Variants in HAT1 observed in about 807,000 individuals in gnomAD.
The protein encoded by HAT1 is histone acetyltransferase 1, also known as histone acetyltransferase type B catalytic subunit.
In HAT1, 20 loss-of-function variants were observed where a neutral mutation model predicts 56.6. The ratio of observed to expected loss-of-function variants is 0.35; its 90% confidence interval spans 0.25 to 0.51. The LOEUF (loss-of-function observed/expected upper bound fraction) is 0.51. Among genes scored for constraint, HAT1 ranks in the 20% least tolerant of loss-of-function variants. The pLI is 0.95. For synonymous variants in HAT1, 146 were observed against 165.5 expected, an observed-to-expected ratio of 0.88 and a Z score of 0.91; for missense variants, 408 against 504.3, an observed-to-expected ratio of 0.81 and a Z score of 1.83.
chr2:171,983,685 TATC>T (rs1205476838), exon 11 of HAT1: 4 of 170,612 alleles, frequency 2.3e-5, no homozygotes, highest in Non-Finnish European at 3.7e-5. Context: ...CTTAAATACT[TATC>T]ATTCCTTCCA....
intron 5 of HAT1, 50 bp downstream of exon 5, chr2:171,965,567 C>A: frequency 1.6e-6 from 2 of 1,219,386 alleles, no homozygotes; most frequent in Non-Finnish European, 2.3e-6. Flanking sequence ...TTGCCTGAAA[C>A]CTGTATGTAG....
At chr2:171,939,093 A>G (rs1274537114) in intron 2 of HAT1, among the ~76,000 whole-genome samples, 2 of 152,088 alleles carry the variant, frequency 1.3e-5, no homozygotes, top group African/African-American at 2.4e-5. Flanking sequence ...AGTTGACCCT[A>G]TTCCAGCACG....
intron 9 of HAT1, 148 bp downstream of exon 9, chr2:171,976,456 T>C: frequency 2.6e-6 from 1 of 384,542 alleles, no homozygotes; most frequent in Non-Finnish European, 4.6e-6. Context: ...CCAAATTGCC[T>C]GAGTTCAAAT....
chr2:171,968,175 A>G (rs1347583074), intron 8 of HAT1, among the ~76,000 whole-genome samples: 1 of 152,140 alleles, frequency 6.6e-6, no homozygotes, highest in Non-Finnish European at 1.5e-5. Context: ...AGTAGTTACT[A>G]AACTTCGTTT....
At chr2:171,960,552 T>G (rs1687548035) in intron 4 of HAT1, among the ~76,000 whole-genome samples, 1 of 152,184 alleles carries the variant, frequency 6.6e-6, no homozygotes, top group Non-Finnish European at 1.5e-5. Flanking sequence ...TCTTTTACTT[T>G]TCCAAGCTGA....
chr2:171,952,372 C>T (rs930759767), intron 3 of HAT1, among the ~76,000 whole-genome samples: 1 of 152,138 alleles, frequency 6.6e-6, no homozygotes, highest in Non-Finnish European at 1.5e-5. Flanking sequence ...AGCAGCAGTT[C>T]CATATCTGCC....
intron 3 of HAT1, among the ~76,000 whole-genome samples, chr2:171,949,896 CT>C (rs1687261582): frequency 6.6e-6 from 1 of 152,140 alleles, no homozygotes; most frequent in South Asian, 2.1e-4. Context: ...AGTGGCCACC[CT>C]TTCAGACACT....
chr2:171,952,242 G>A (rs2105324522), intron 3 of HAT1, among the ~76,000 whole-genome samples: 1 of 152,240 alleles, frequency 6.6e-6, no homozygotes, highest in South Asian at 2.1e-4. Flanking sequence ...TTTACTTTCT[G>A]TCTCTATAGA....
At chr2:171,976,118 T>C in intron 8 of HAT1, 39 bp from the exon 9 acceptor site, 1 of 1,158,424 alleles carries the variant, frequency 8.6e-7, no homozygotes, top group Middle Eastern at 2.1e-4. Flanking sequence ...ATATTGAGTA[T>C]CAGGGAAATG....
chr2:171,974,993 A>G (rs1472504819), intron 8 of HAT1, among the ~76,000 whole-genome samples: 1 of 152,028 alleles, frequency 6.6e-6, no homozygotes, highest in East Asian at 1.9e-4. Flanking sequence ...GGACATTTGT[A>G]TCTACATTCA....
At position 171,966,533 on chromosome 2, in the gene HAT1, G is replaced by A. The variant is rs766476969; in HGVS notation, c.716+20G>A. 2.7e-5 allele frequency: 28 copies of A among 1,043,176 alleles called. No individual in the cohort carries two copies. The highest frequency in any genetic ancestry group is 6.3e-5 in the South Asian group (5 of 79,070). 64.6% of individuals were successfully genotyped at this position (1,043,176 alleles called of 1,614,324 possible). A position where few individuals can be genotyped will look rare whatever the true frequency, so the allele number is the denominator to read the frequency against. On this transcript the variant is annotated intron_variant, in intron 7 of 10. Transcript: ENST00000264108. ...TGTAAGGTAATTGGCAGTATAACAC[G>A]TGCCTTGTCTTTTATTTCAGAAGAA... is the stretch of plus-strand genomic sequence containing the variant.
intron 4 of HAT1, among the ~76,000 whole-genome samples, chr2:171,955,871 C>T (rs997043755): frequency 6.6e-6 from 1 of 151,420 alleles, no homozygotes; most frequent in Non-Finnish European, 1.5e-5. Flanking sequence ...ATAGTGAAAC[C>T]CCGTCTCTAC....
intron 2 of HAT1, among the ~76,000 whole-genome samples, chr2:171,927,301 C>G (rs1189630829): frequency 6.6e-6 from 1 of 152,222 alleles, no homozygotes; most frequent in African/African-American, 2.4e-5. Flanking sequence ...TGAGTTTCCT[C>G]ATTGTTAATA....
intron 2 of HAT1, among the ~76,000 whole-genome samples, chr2:171,945,359 C>G (rs993572431): frequency 3.3e-5 from 5 of 151,966 alleles, no homozygotes; most frequent in Admixed American, 2.0e-4. Context: ...TACAGAGTAT[C>G]CTTGAGTACA....
At chr2:171,958,594 T>A (rs971068334) in intron 4 of HAT1, among the ~76,000 whole-genome samples, 2 of 152,146 alleles carry the variant, frequency 1.3e-5, no homozygotes, top group African/African-American at 4.8e-5. Context: ...AGCCTTCTCC[T>A]GTGTTTTATG....
At chr2:171,936,507 G>C (rs551866895) in intron 2 of HAT1, among the ~76,000 whole-genome samples, 12 of 152,216 alleles carry the variant, frequency 7.9e-5, no homozygotes, top group African/African-American at 2.4e-4. Flanking sequence ...GGAAGGGGTG[G>C]GAAATTAGAT....
intron 4 of HAT1, among the ~76,000 whole-genome samples, chr2:171,963,525 G>A (rs1330194634): frequency 1.3e-5 from 2 of 152,068 alleles, no homozygotes; most frequent in African/African-American, 4.8e-5. Flanking sequence ...CAGGACATAA[G>A]GAAAGTTTTT....
At chr2:171,972,720 GCTC>G (rs995105532) in intron 8 of HAT1, among the ~76,000 whole-genome samples, 3 of 152,214 alleles carry the variant, frequency 2.0e-5, no homozygotes, top group Admixed American at 2.0e-4. Context: ...CCTGGTATCT[GCTC>G]CTATATAGTC....
At chr2:171,923,627 T>G (rs1686502535) in intron 1 of HAT1, 1 of 152,170 alleles carries the variant, frequency 6.6e-6, no homozygotes, top group Admixed American at 6.5e-5. Flanking sequence ...CTCTCTACAT[T>G]AACCATTCCA....
Sources: allele counts gnomAD v4.1 joint callset (sites outside exome capture counted in the v4.1 genomes callset), GRCh38; gene constraint gnomAD v4.1.1; transcripts MANE v1.5; gene names NCBI Gene and HGNC (gene_info 2026-07-23, HGNC 2026-07-21).